Variants in LRGUK observed in about 807,000 individuals in gnomAD.
LRGUK encodes leucine rich repeats and guanylate kinase domain containing, also known as leucine-rich repeat and guanylate kinase domain-containing protein.
LRGUK carries 65 observed loss-of-function variants against 76.0 expected under a neutral mutation model. The observed-to-expected ratio is 0.85, with a 90% CI of 0.70 to 1.05. LRGUK has a LOEUF of 1.05. Among genes scored for constraint, LRGUK ranks in the 50% least tolerant of loss-of-function variants. The pLI is 0.00. For synonymous variants in LRGUK, 268 were observed against 265.6 expected (o/e 1.01, Z -0.09); for missense variants, 758 against 732.8 (o/e 1.03, Z -0.40).
chr7:134,130,962 T>C (rs1027861660), intron 1 of LRGUK, among the ~76,000 whole-genome samples: 2 of 152,226 alleles, frequency 1.3e-5, no homozygotes, highest in African/African-American at 4.8e-5. Flanking sequence ...ATGCTTATCA[T>C]ATATTTTGAT....
At chr7:134,129,796 A>G (rs978525447) in intron 1 of LRGUK, among the ~76,000 whole-genome samples, 1 of 152,042 alleles carries the variant, frequency 6.6e-6, no homozygotes, top group African/African-American at 2.4e-5. Flanking sequence ...CAGTGCTCTC[A>G]TTCTGTGATA....
At chr7:134,232,574 G>T (rs1801928796) in intron 16 of LRGUK, among the ~76,000 whole-genome samples, 1 of 152,060 alleles carries the variant, frequency 6.6e-6, no homozygotes, top group Non-Finnish European at 1.5e-5. Context: ...CACCGCACCA[G>T]GCCCTTTATT....
intron 1 of LRGUK, among the ~76,000 whole-genome samples, chr7:134,135,663 C>CAGAAT (rs1483790093): frequency 2.0e-5 from 3 of 152,180 alleles, no homozygotes; most frequent in African/African-American, 7.2e-5. Flanking sequence ...AAGCCATGTG[C>CAGAAT]TGCCTCCATG....
Position 134,183,793 on chromosome 7 carries a change from G to A in LRGUK, c.1274G>A (p.Cys425Tyr), listed in dbSNP as rs760953701. The change falls in exon 11 of 16, where the codon TGT (cysteine) becomes TAT (tyrosine). Residue 425 changes from cysteine (C) to tyrosine (Y), a missense_variant. Physicochemically the swap from Cys to Tyr is radical, Grantham distance 194. Transcript: ENST00000645682. ...CTGATACTAGCTGGTCCTGAAGCTT[G>A]TGGGAAACGAGAGCTTGCCCATCGC... 3.1e-6 allele frequency: 5 copies of A among 1,614,138 alleles called. No individual in the cohort carries two copies.
intron 10 of LRGUK, among the ~76,000 whole-genome samples, chr7:134,180,935 C>A (rs1799713715): frequency 6.6e-6 from 1 of 152,150 alleles, no homozygotes; most frequent in African/African-American, 2.4e-5. Flanking sequence ...CTCTAATGTA[C>A]TTTTGTCTCT....
intron 8 of LRGUK, among the ~76,000 whole-genome samples, chr7:134,175,465 G>C (rs534170843): frequency 6.6e-6 from 1 of 152,268 alleles, no homozygotes; most frequent in East Asian, 1.9e-4. Context: ...AAGCATTTCT[G>C]GAAAAGTAAG....
At chr7:134,236,457 AGAC>A in intron 16 of LRGUK, among the ~76,000 whole-genome samples, 1 of 152,292 alleles carries the variant, frequency 6.6e-6, no homozygotes, top group South Asian at 2.1e-4. Flanking sequence ...GACTCTGTTT[AGAC>A]TGTAGCATCT....
intron 11 of LRGUK, 150 bp downstream of exon 11, chr7:134,184,003 TACA>T: frequency 1.9e-6 from 2 of 1,063,486 alleles, no homozygotes; most frequent in Non-Finnish European, 2.7e-6. Flanking sequence ...ATATTTAAGT[TACA>T]CTTTATAGCA....
At chr7:134,195,504 G>T (rs939239875) in intron 12 of LRGUK, among the ~76,000 whole-genome samples, 5 of 152,142 alleles carry the variant, frequency 3.3e-5, no homozygotes, top group African/African-American at 1.2e-4. Context: ...TTGCAATGGA[G>T]GTTTCAGTGG....
chr7:134,225,139 A>C (rs1395755421), intron 16 of LRGUK, among the ~76,000 whole-genome samples: 3 of 151,022 alleles, frequency 2.0e-5, no homozygotes, highest in Non-Finnish European at 3.0e-5. Context: ...AAAAAAAAAA[A>C]AAAAAAAAAA....
chr7:134,180,536 A>G (rs1799696729), intron 10 of LRGUK, among the ~76,000 whole-genome samples: 1 of 152,148 alleles, frequency 6.6e-6, no homozygotes, highest in African/African-American at 2.4e-5. Context: ...TTCCCACACC[A>G]AGAAATCTGG....
chr7:134,131,986 A>G (rs191535950), intron 1 of LRGUK, among the ~76,000 whole-genome samples: 3 of 152,258 alleles, frequency 2.0e-5, no homozygotes, highest in Admixed American at 6.5e-5. Flanking sequence ...AGGGAAGAAA[A>G]CTGGGAAGGA....
chr7:134,179,026 T>G (rs555613043), intron 10 of LRGUK, among the ~76,000 whole-genome samples: 3 of 151,366 alleles, frequency 2.0e-5, no homozygotes, highest in Non-Finnish European at 4.4e-5. Context: ...TTATATCCAT[T>G]GTAAATTTTC....
chr7:134,201,955 C>A (rs1184457507), intron 15 of LRGUK, among the ~76,000 whole-genome samples: 2 of 152,148 alleles, frequency 1.3e-5, no homozygotes, highest in South Asian at 2.1e-4. Context: ...TTTCTTTCCC[C>A]TTTTCTTTGC....
At chr7:134,189,443 T>C (rs1563171031) in intron 11 of LRGUK, among the ~76,000 whole-genome samples, 1 of 152,164 alleles carries the variant, frequency 6.6e-6, no homozygotes, top group African/African-American at 2.4e-5. Flanking sequence ...AATTGGATGA[T>C]GAATTAAAAA....
chr7:134,144,735 C>T lies in LRGUK; in HGVS notation c.588+1573C>T, dbSNP rs1797899733. ...TGAGAGACCTTAATTTTCAATTTTTCTTCAGTTTTATATCATTCCCTTATC... is the reference window on the plus strand; with the variant it reads ...TGAGAGACCTTAATTTTCAATTTTTTTTCAGTTTTATATCATTCCCTTATC... On this transcript the variant is annotated intron_variant, in intron 4 of 15. Coordinates refer to ENST00000645682, the Ensembl canonical transcript of LRGUK. Among the ~76,000 whole-genome samples the T allele has an allele frequency of 2.6e-5, 4 of 152,056 alleles. No individual in the cohort carries two copies. The South Asian group carries it at 8.3e-4, about 32-fold the overall frequency.
At chr7:134,139,585 T>C in intron 3 of LRGUK, 68 bp downstream of exon 3, 1 of 960,354 alleles carries the variant, frequency 1.0e-6, no homozygotes, top group Non-Finnish European at 1.6e-6. Flanking sequence ...GTATGTAATA[T>C]GGTTTAATAA....
chr7:134,263,703 C>G (rs1802799680), intron 19 of LRGUK, 142 bp from the exon 20 acceptor site: 3 of 667,406 alleles, frequency 4.5e-6, no homozygotes, highest in Non-Finnish European at 4.4e-6. Flanking sequence ...GTGTAAGCCA[C>G]TGCACCTGGC....
chr7:134,192,881 T>A (rs568537592), intron 12 of LRGUK, among the ~76,000 whole-genome samples: 3 of 152,312 alleles, frequency 2.0e-5, no homozygotes, highest in Admixed American at 6.5e-5. Flanking sequence ...AAGATTACCA[T>A]CCAACTGGTG....
Sources: allele counts gnomAD v4.1 joint callset (sites outside exome capture counted in the v4.1 genomes callset), GRCh38; gene constraint gnomAD v4.1.1; transcripts MANE v1.5; gene names NCBI Gene and HGNC (gene_info 2026-07-23, HGNC 2026-07-21).